CTNNA3: variants seen among roughly 807,000 people sequenced by gnomAD.
The protein encoded by CTNNA3 is catenin alpha 3, also known as catenin alpha-3.
CTNNA3 carries 76 observed loss-of-function variants against 95.7 expected under a neutral mutation model. The ratio of observed to expected loss-of-function variants is 0.79; its 90% CI spans 0.66 to 0.96. The LOEUF (loss-of-function observed/expected upper bound fraction) is 0.96, where lower values mean the gene tolerates loss of function less well. Among genes scored for constraint, CTNNA3 ranks in the 40% least tolerant of loss-of-function variants. The pLI, the probability that CTNNA3 is intolerant of heterozygous loss-of-function variation, is 0.00. For missense variants in CTNNA3, 1,191 were observed against 1,089.8 expected, an observed-to-expected ratio of 1.09 and a Z score of -1.31; for synonymous variants, 431 against 374.4, an observed-to-expected ratio of 1.15 and a Z score of -1.74.
intron 3 of CTNNA3, among the ~76,000 whole-genome samples, chr10:67,584,035 TTCC>T (rs1449171506): frequency 4.6e-5 from 7 of 151,564 alleles, no homozygotes; most frequent in Admixed American, 4.6e-4. Context: ...AAGTTTGTTA[TTCC>T]TGATCATCTG....
At chr10:66,964,005 C>G (rs545823701) in intron 7 of CTNNA3, among the ~76,000 whole-genome samples, 1 of 151,784 alleles carries the variant, frequency 6.6e-6, no homozygotes, top group South Asian at 2.1e-4. Flanking sequence ...CACCACCATG[C>G]CCAGCTAATT....
At chr10:66,752,475 A>G (rs190844671) in intron 9 of CTNNA3, among the ~76,000 whole-genome samples, 2 of 152,286 alleles carry the variant, frequency 1.3e-5, no homozygotes, top group Admixed American at 1.3e-4. Context: ...AAATTATCAG[A>G]CTTCCAGAGA....
intron 14 of CTNNA3, among the ~76,000 whole-genome samples, chr10:66,087,442 C>A (rs2081028957): frequency 6.6e-6 from 1 of 152,090 alleles, no homozygotes; most frequent in East Asian, 1.9e-4. Context: ...GGGTAGAGAC[C>A]AGAGATGCTG....
At position 67,252,274 on chromosome 10, in the gene CTNNA3, A is replaced by G. The variant is rs193128152; in HGVS notation, c.580-32404T>C. Among the ~76,000 whole-genome samples the G allele has an allele frequency of 2.6e-3, 389 of 151,394 alleles. 4 individuals are homozygous for G. Among genetic ancestry groups the G allele is most frequent in the East Asian group, 1.9e-3 (10 of 5,144 alleles). ...AAGGAGTAAGGTAGCTATTACGTGG[A>G]GAATTAGAAGCTCATCTACTGTCTG... On this transcript the variant is annotated intron_variant, in intron 5 of 17. Coordinates refer to ENST00000433211, the MANE Select transcript of CTNNA3 (RefSeq NM_013266.4).
Position 67,486,966 on chromosome 10 carries a change from AAT to A in CTNNA3, c.579+34874_579+34875del, listed in dbSNP as rs780190075. Among the ~76,000 whole-genome samples the A allele has an allele frequency of 7.9e-5, 12 of 152,314 alleles. No individual in the cohort carries two copies. The South Asian group carries it at 1.7e-3, about 21-fold the overall frequency. On this transcript the variant is annotated intron_variant, in intron 5 of 17. Transcript: ENST00000433211. ...GTAGAAAAAAATACAAATCTCCAGT[AAT>A]ATTGATACCAATCCAAAAAGTATTT...
chr10:66,863,211 G>A (rs199699820), intron 7 of CTNNA3, among the ~76,000 whole-genome samples: 28 of 113,632 alleles, frequency 2.5e-4, no homozygotes, highest in Middle Eastern at 4.5e-3. Flanking sequence ...ACACACACAC[G>A]CACACACATA....
At chr10:67,441,352 C>T (rs976303361) in intron 5 of CTNNA3, among the ~76,000 whole-genome samples, 2 of 151,084 alleles carry the variant, frequency 1.3e-5, no homozygotes, top group African/African-American at 2.4e-5. Context: ...AATTATTGGT[C>T]TTAAAGAGGA....
At chr10:67,088,380 C>T (rs1356946371) in intron 7 of CTNNA3, among the ~76,000 whole-genome samples, 3 of 151,754 alleles carry the variant, frequency 2.0e-5, no homozygotes, top group Non-Finnish European at 4.4e-5. Flanking sequence ...ATAGCCAATC[C>T]ATATTTATTT....
At chr10:66,385,414 A>T (rs1166093246) in intron 11 of CTNNA3, among the ~76,000 whole-genome samples, 4 of 152,196 alleles carry the variant, frequency 2.6e-5, no homozygotes, top group African/African-American at 4.8e-5. Flanking sequence ...CTCTGAATAG[A>T]TCAATAACAG....
chr10:66,426,685 T>C (rs4592317), intron 11 of CTNNA3, among the ~76,000 whole-genome samples: 57,756 of 151,432 alleles, frequency 0.38, 11,535 homozygotes, highest in African/African-American at 0.5. Context: ...AACTTCTTTC[T>C]TTATTCCATG....
intron 5 of CTNNA3, among the ~76,000 whole-genome samples, chr10:67,290,351 T>C (rs1839785991): frequency 1.3e-5 from 2 of 152,212 alleles, no homozygotes; most frequent in South Asian, 2.1e-4. Flanking sequence ...TGAGCACATA[T>C]GCTTATTTGC....
At chr10:67,213,614 C>T (rs561129791) in intron 6 of CTNNA3, among the ~76,000 whole-genome samples, 6 of 151,796 alleles carry the variant, frequency 4.0e-5, no homozygotes, top group Admixed American at 6.6e-5. Context: ...TTAGCTATAT[C>T]GCTCAAGTTT....
At chr10:67,459,107 T>C (rs1847281674) in intron 5 of CTNNA3, among the ~76,000 whole-genome samples, 1 of 152,190 alleles carries the variant, frequency 6.6e-6, no homozygotes, top group Admixed American at 6.6e-5. Flanking sequence ...ACTATGTCTG[T>C]TTTAACCATA....
chr10:67,645,373 G>A (rs183130894), intron 2 of CTNNA3, among the ~76,000 whole-genome samples: 6 of 152,220 alleles, frequency 3.9e-5, no homozygotes, highest in African/African-American at 1.4e-4. Context: ...CAATATGTCA[G>A]CAACCTTTGT....
At chr10:67,268,880 T>A (rs1866939842) in intron 5 of CTNNA3, among the ~76,000 whole-genome samples, 1 of 152,094 alleles carries the variant, frequency 6.6e-6, no homozygotes, top group South Asian at 2.1e-4. Flanking sequence ...CCAAGGAATA[T>A]AAGCCATGCA....
chr10:66,281,027 CAA>C (rs2091482475), intron 12 of CTNNA3, among the ~76,000 whole-genome samples: 1 of 151,344 alleles, frequency 6.6e-6, no homozygotes, highest in African/African-American at 2.4e-5. Context: ...ATTGTAAACA[CAA>C]AGATATTTAA....
At chr10:66,356,909 A>G (rs2092615371) in intron 12 of CTNNA3, among the ~76,000 whole-genome samples, 1 of 152,000 alleles carries the variant, frequency 6.6e-6, no homozygotes, top group African/African-American at 2.4e-5. Flanking sequence ...GGTGGGTTGC[A>G]ATAATTAATT....
chr10:67,015,940 G>A (rs1172852055), intron 7 of CTNNA3, among the ~76,000 whole-genome samples: 1 of 151,670 alleles, frequency 6.6e-6, no homozygotes, highest in Admixed American at 6.6e-5. Context: ...TGCTTCCAGT[G>A]TCTATTTTAT....
chr10:67,103,252 A>C (rs1858443015), intron 7 of CTNNA3, among the ~76,000 whole-genome samples: 1 of 151,862 alleles, frequency 6.6e-6, no homozygotes, highest in African/African-American at 2.4e-5. Flanking sequence ...TATCAATGTG[A>C]ATCTAGTTTT....
Sources: gnomAD v4.1 joint callset for allele counts (sites outside exome capture counted in the v4.1 genomes callset) on GRCh38, gnomAD v4.1.1 for gene constraint, MANE v1.5 for transcripts, NCBI Gene and HGNC (gene_info 2026-07-23, HGNC 2026-07-21) for gene names.